The following CLIC5 variants were observed in gnomAD, a reference collection of about 807,000 sequenced individuals.
CLIC5 encodes the protein chloride intracellular channel protein 5.
Under a neutral mutation model 24.7 loss-of-function variants are expected in CLIC5, and 20 were observed. The observed-to-expected ratio is 0.81, with a 90% CI of 0.57 to 1.18. CLIC5 has a LOEUF of 1.18. CLIC5 is among the 50% of genes most tolerant of loss of function. The pLI is 0.00. For synonymous variants in CLIC5, 159 were observed against 135.6 expected, an observed-to-expected ratio of 1.17 and a Z score of -1.20; for missense variants, 341 against 326.1, an observed-to-expected ratio of 1.05 and a Z score of -0.35.
chr6:46,031,264 G>A (rs755558831), intron 1 of CLIC5, among the ~76,000 whole-genome samples: 1 of 152,142 alleles, frequency 6.6e-6, no homozygotes, highest in Non-Finnish European at 1.5e-5. Context: ...TGCAGAATAT[G>A]CTGTCTTCAG....
Position 45,903,003 on chromosome 6 carries a change from A to T in CLIC5, c.*85T>A. 6.9e-7 allele frequency: 1 copy of T among 1,445,928 alleles called. No individual in the cohort carries two copies. Among genetic ancestry groups the T allele is most frequent in the Non-Finnish European group, 9.6e-7 (1 of 1,042,328 alleles). 89.6% of individuals were successfully genotyped at this position (1,445,928 alleles called of 1,614,324 possible). A position where few individuals can be genotyped will look rare whatever the true frequency, so the allele number is the denominator to read the frequency against. Reference sequence around the variant, plus strand: ...GATTATAAAAAGTGCGCCTCAAGGCAGTGATACAGAGGAGTCTATGAAGCT... The same window carrying T: ...GATTATAAAAAGTGCGCCTCAAGGCTGTGATACAGAGGAGTCTATGAAGCT... On this transcript the variant is annotated 3_prime_UTR_variant, in exon 6 of 6. Coordinates refer to ENST00000339561, the MANE Select transcript of CLIC5 (RefSeq NM_016929.5).
chr6:46,039,598 C>T (rs756005622), intron 1 of CLIC5, among the ~76,000 whole-genome samples: 1 of 151,766 alleles, frequency 6.6e-6, no homozygotes, highest in South Asian at 2.1e-4. Flanking sequence ...GAAGAAAAAA[C>T]ATTTCTGATT....
chr6:46,085,358 T>C, the CLIC5 span, among the ~76,000 whole-genome samples: 15 of 152,244 alleles, frequency 9.9e-5, no homozygotes, highest in Non-Finnish European at 2.1e-4. Flanking sequence ...CTCTGCTTTT[T>C]AGAGTTTCCA....
chr6:45,954,861 C>A (rs898021399), intron 2 of CLIC5, among the ~76,000 whole-genome samples: 2 of 152,208 alleles, frequency 1.3e-5, no homozygotes, highest in Non-Finnish European at 2.9e-5. Context: ...CCCATATGTG[C>A]ACCAGAAACT....
intron 5 of CLIC5, among the ~76,000 whole-genome samples, chr6:45,910,534 A>T (rs1476366301): frequency 1.3e-5 from 2 of 152,268 alleles, no homozygotes; most frequent in African/African-American, 4.8e-5. Flanking sequence ...GTTACATGAT[A>T]AATTAATTAA....
chr6:45,992,790 G>A (rs982299796), intron 1 of CLIC5, among the ~76,000 whole-genome samples: 6 of 152,020 alleles, frequency 3.9e-5, no homozygotes, highest in Non-Finnish European at 8.8e-5. Context: ...TCTATTTAAG[G>A]GCTGTATGTA....
Position 46,015,481 on chromosome 6 carries a change from T to C in CLIC5, c.62A>G (p.Lys21Arg). ...GCGGGAGACTGGACCCCGACCTACC[T>C]TCACAAAGAGCTCGATCTCGGGGTC... Reference protein sequence around the residue: ...DRDPEIELFVKAGIDGESIGN... With the variant: ...DRDPEIELFVRAGIDGESIGN... Residue 21 changes from lysine (K) to arginine (R), a missense_variant and splice_region_variant, in exon 1 of 6, where the codon AAG becomes AGG. Physicochemically the swap from Lys to Arg is conservative, Grantham distance 26. Coordinates refer to ENST00000339561, the MANE Select transcript of CLIC5 (RefSeq NM_016929.5). 1 of 1,543,890 alleles carries C rather than the reference T, an allele frequency of 6.5e-7. No homozygotes were observed. The highest frequency in any genetic ancestry group is 1.4e-5 in the African/African-American group (1 of 71,854).
the CLIC5 span, among the ~76,000 whole-genome samples, chr6:46,086,332 T>C: frequency 6.6e-6 from 1 of 152,256 alleles, no homozygotes; most frequent in Admixed American, 6.5e-5. Context: ...ACCCGTCTTC[T>C]GCGTCACTCA....
intron 1 of CLIC5, among the ~76,000 whole-genome samples, chr6:45,977,417 G>T (rs943191897): frequency 6.6e-6 from 1 of 152,058 alleles, no homozygotes; most frequent in South Asian, 2.1e-4. Flanking sequence ...CCCAGATCTG[G>T]AGCCCAGCTA....
chr6:46,101,277 C>A, the CLIC5 span, among the ~76,000 whole-genome samples: 2 of 152,338 alleles, frequency 1.3e-5, no homozygotes, highest in South Asian at 4.1e-4. Flanking sequence ...AATCTGATCA[C>A]TTCATCATGT....
intron 4 of CLIC5, among the ~76,000 whole-genome samples, chr6:45,923,374 C>T (rs934420922): frequency 2.0e-5 from 3 of 152,216 alleles, no homozygotes; most frequent in Non-Finnish European, 4.4e-5. Flanking sequence ...TCCCCCAAAA[C>T]ACTTAGGCTG....
chr6:46,086,532 A>G, the CLIC5 span, among the ~76,000 whole-genome samples: 1 of 152,162 alleles, frequency 6.6e-6, no homozygotes, highest in African/African-American at 2.4e-5. Flanking sequence ...GATTGTGGGA[A>G]AAGTAGAGAA....
chr6:45,928,011 A>G (rs1342956551), intron 4 of CLIC5, among the ~76,000 whole-genome samples: 1 of 152,152 alleles, frequency 6.6e-6, no homozygotes, highest in African/African-American at 2.4e-5. Flanking sequence ...CTTAAGCCTT[A>G]AGTCTGTGCC....
chr6:46,120,378 G>A, the CLIC5 span, among the ~76,000 whole-genome samples: 3 of 152,322 alleles, frequency 2.0e-5, no homozygotes, highest in African/African-American at 7.2e-5. Flanking sequence ...GGTCCTGACT[G>A]TTAAAGGGAA....
intron 1 of CLIC5, among the ~76,000 whole-genome samples, chr6:46,008,858 T>C (rs1297329813): frequency 2.0e-5 from 3 of 152,306 alleles, no homozygotes; most frequent in Non-Finnish European, 4.4e-5. Flanking sequence ...TCCTGTGAAA[T>C]GCTTGTTTGA....
Position 45,912,179 on chromosome 6 carries a change from G to A in CLIC5, c.588+2049C>T, listed in dbSNP as rs1429438509. The stretch of plus-strand genomic sequence containing the variant: ...CGAAGCCAAACTGGAGGCCTGACTT[G>A]GCTTCCCCTTCGCTCTTTGTGAACT... On this transcript the variant is annotated intron_variant, in intron 5 of 5. Transcript: ENST00000339561. 4 of 986,450 alleles carry A rather than the reference G, an allele frequency of 4.1e-6. No individual in the cohort carries two copies. The South Asian group carries it at 1.9e-4, about 46-fold the overall frequency. The allele number at this position is 986,450 out of a possible 1,614,324, so 61.1% of individuals were successfully genotyped here.
intron 5 of CLIC5, chr6:45,912,130 C>G: frequency 1.0e-6 from 1 of 986,628 alleles, no homozygotes; most frequent in Non-Finnish European, 1.2e-6. Context: ...TTAGCTCCCA[C>G]AGCCCAGATT....
intron 3 of CLIC5, among the ~76,000 whole-genome samples, chr6:45,948,980 G>T (rs543518489): frequency 6.6e-6 from 1 of 152,218 alleles, no homozygotes; most frequent in South Asian, 2.1e-4. Context: ...GGCGAGGGAG[G>T]CCTGGTATCC....
intron 1 of CLIC5, among the ~76,000 whole-genome samples, chr6:45,957,602 G>T (rs1205969860): frequency 6.6e-6 from 1 of 152,156 alleles, no homozygotes; most frequent in South Asian, 2.1e-4. Flanking sequence ...GGAGCATAGG[G>T]CATGGTATCC....
Sources: gnomAD v4.1 joint callset for allele counts (sites outside exome capture counted in the v4.1 genomes callset) on GRCh38, gnomAD v4.1.1 for gene constraint, MANE v1.5 for transcripts, NCBI Gene and HGNC (gene_info 2026-07-23, HGNC 2026-07-21) for gene names.